The following BEAN1 variants were observed in gnomAD, a reference collection of about 807,000 sequenced individuals.
The protein encoded by BEAN1 is protein BEAN1.
BEAN1 carries 17 observed loss-of-function variants against 17.7 expected under a neutral mutation model. That is an observed-to-expected ratio of 0.96 (90% confidence interval 0.66 to 1.44). The LOEUF (loss-of-function observed/expected upper bound fraction) is 1.44, where lower values mean the gene tolerates loss of function less well. BEAN1 is among the 40% of genes most tolerant of loss of function. The pLI is 0.00. For missense variants in BEAN1, 359 were observed against 374.1 expected (o/e 0.96, Z 0.33); for synonymous variants, 142 against 151.8 (o/e 0.94, Z 0.47).
At chr16:66,484,317 C>T (rs1027986571), downstream of BEAN1, 45 of 335,870 alleles carry the variant, frequency 1.3e-4, no homozygotes, top group African/African-American at 9.4e-4. This position sits in a 1 kb window ranked among gnomAD's most constrained non-coding sequence, Gnocchi z 4.2. Context: ...CTGCCCCCAA[C>T]CGAAACCACC....
At chr16:66,461,328 G>A (rs1963075044) in intron 2 of BEAN1, among the ~76,000 whole-genome samples, 1 of 152,184 alleles carries the variant, frequency 6.6e-6, no homozygotes. Context: ...GCCGGTTGTG[G>A]TGACTGGGAG....
chr16:66,454,026 C>T lies in BEAN1; in HGVS notation c.26-15576C>T, dbSNP rs545219409. Among the ~76,000 whole-genome samples the T allele has an allele frequency of 4.6e-5, 7 of 152,318 alleles. No individual in the cohort carries two copies. The South Asian group carries it at 8.3e-4, about 18-fold the overall frequency. On this transcript the variant is annotated intron_variant, in intron 2 of 4. Coordinates refer to ENST00000536005, the MANE Select transcript of BEAN1 (RefSeq NM_001178020.3). ...TGGGATTCCAGGCGTGAGCCCACCA[C>T]GCCCGGCCTAATTTCTAAGTAGTTG... is the stretch of plus-strand genomic sequence containing the variant.
chr16:66,484,545 C>T (rs887215872), downstream of BEAN1: 4 of 453,236 alleles, frequency 8.8e-6, no homozygotes, highest in African/African-American at 8.0e-5. This position sits in a 1 kb window ranked among gnomAD's most constrained non-coding sequence, Gnocchi z 4.2. Flanking sequence ...CTGGGCTCAT[C>T]AGAGGCCCAA....
downstream of BEAN1, chr16:66,493,620 C>T (rs898541046): frequency 7.5e-6 from 4 of 530,330 alleles, no homozygotes; most frequent in Non-Finnish European, 9.9e-6. Flanking sequence ...GAGGTGGTCA[C>T]CGCCTCAGGG....
chr16:66,482,845 A>C (rs1271276596), downstream of BEAN1: 1 of 455,778 alleles, frequency 2.2e-6, no homozygotes, highest in Admixed American at 2.4e-5. Context: ...AGAGTGCATA[A>C]GGTTCCTTTT....
chr16:66,482,325 A>C lies in BEAN1; in HGVS notation c.*1400A>C, dbSNP rs1356203099. 1 of 153,798 alleles carries C rather than the reference A, an allele frequency of 6.5e-6. No individual in the cohort carries two copies. Among genetic ancestry groups the C allele is most frequent in the African/African-American group, 2.4e-5 (1 of 41,458 alleles). The allele number at this position is 153,798 out of a possible 1,614,324, so 9.5% of individuals were successfully genotyped here. On this transcript the variant is annotated 3_prime_UTR_variant, in exon 5 of 5. Transcript: ENST00000536005. ...TGCTTCCCCACATTTCTGTTCCTCC[A>C]ATGAAGGGCTAAGACTATTTAGTAA...
intron 2 of BEAN1, among the ~76,000 whole-genome samples, chr16:66,438,722 G>A (rs1425496234): frequency 6.6e-6 from 1 of 152,038 alleles, no homozygotes; most frequent in Non-Finnish European, 1.5e-5. Flanking sequence ...CCACCCGCTT[G>A]ACTCATGCCA....
intron 2 of BEAN1, among the ~76,000 whole-genome samples, chr16:66,458,373 A>T (rs1597011943): frequency 6.6e-6 from 1 of 151,996 alleles, no homozygotes; most frequent in Admixed American, 6.5e-5. Context: ...GCCCTGACCT[A>T]AGCCACCTGA....
chr16:66,470,029 A>C, intron 3 of BEAN1, 164 bp downstream of exon 3: 1 of 978,138 alleles, frequency 1.0e-6, no homozygotes, highest in Non-Finnish European at 1.5e-6. Context: ...GCCCACCATA[A>C]TGTTCTCGGT....
intron 2 of BEAN1, among the ~76,000 whole-genome samples, chr16:66,441,952 G>T (rs1318449321): frequency 6.6e-6 from 1 of 152,160 alleles, no homozygotes; most frequent in Non-Finnish European, 1.5e-5. Flanking sequence ...TGGAGATAGT[G>T]CCAGCAGCTC....
Position 66,433,366 on chromosome 16 carries a change from C to T in BEAN1, c.-82-4229C>T, listed in dbSNP as rs368141625. 3.3e-3 allele frequency among the ~76,000 whole-genome samples: 498 copies of T among 152,274 alleles called. 5 individuals are homozygous for T. The highest frequency in any genetic ancestry group is 0.023 in the South Asian group (109 of 4,824). On this transcript the variant is annotated intron_variant, in intron 1 of 4. Coordinates refer to ENST00000536005, the MANE Select transcript of BEAN1 (RefSeq NM_001178020.3). The stretch of plus-strand genomic sequence containing the variant: ...ACTCCAAGTAATCCGCCCTCTTTGG[C>T]CTCTCAAAGTGCTGGGATTACAGGC...
At position 66,479,415 on chromosome 16, in the gene BEAN1, T is replaced by C. The variant is rs565509198; in HGVS notation, c.441-1171T>C. Among the ~76,000 whole-genome samples the C allele has an allele frequency of 9.4e-4, 143 of 152,082 alleles. 1 individual carries two copies. The highest frequency in any genetic ancestry group is 3.2e-3 in the African/African-American group (131 of 41,486). ...GGGATGCCCCAGCTGCAGGCCTCCA[T>C]TGTGGTCAGGCACCCCCAAGGCTGG... On this transcript the variant is annotated intron_variant, in intron 4 of 4. Transcript: ENST00000536005.
chr16:66,491,532 C>T (rs925834310), intron 4 of BEAN1, among the ~76,000 whole-genome samples: 1 of 152,154 alleles, frequency 6.6e-6, no homozygotes, highest in Non-Finnish European at 1.5e-5. Context: ...GCAACTTATC[C>T]ATGGTCAACA....
chr16:66,484,821 G>C, downstream of BEAN1: 2 of 454,144 alleles, frequency 4.4e-6, no homozygotes, highest in South Asian at 1.6e-5. This position sits in a 1 kb window ranked among gnomAD's most constrained non-coding sequence, Gnocchi z 4.2. Context: ...CCTCAGGTGG[G>C]AGAGACGGGT....
intron 1 of BEAN1, among the ~76,000 whole-genome samples, chr16:66,436,262 T>C (rs1480092041): frequency 7.1e-6 from 1 of 141,814 alleles, no homozygotes; most frequent in Non-Finnish European, 1.6e-5. Context: ...ACTTTTTTTC[T>C]TTTCTTTTTT....
intron 3 of BEAN1, among the ~76,000 whole-genome samples, chr16:66,474,830 G>A (rs1963670990): frequency 6.6e-6 from 1 of 152,200 alleles, no homozygotes; most frequent in Non-Finnish European, 1.5e-5. Flanking sequence ...AGCTTTAAGA[G>A]AGATCTGGTG....
intron 2 of BEAN1, among the ~76,000 whole-genome samples, chr16:66,464,874 G>A (rs181839891): frequency 1.4e-4 from 21 of 152,158 alleles, no homozygotes; most frequent in African/African-American, 4.3e-4. Context: ...TTTACAATGT[G>A]GATGCCTTTT....
At chr16:66,433,686 G>C (rs1302327986) in intron 1 of BEAN1, among the ~76,000 whole-genome samples, 2 of 152,212 alleles carry the variant, frequency 1.3e-5, no homozygotes, top group Non-Finnish European at 2.9e-5. Context: ...CTGTGAATTG[G>C]GGATTTGTTT....
chr16:66,485,103 G>T (rs1414996138), downstream of BEAN1: 3 of 454,158 alleles, frequency 6.6e-6, no homozygotes, highest in Admixed American at 7.0e-5. Context: ...AGGGCGGAAG[G>T]AGGGTTGATA....
Sources: allele counts gnomAD v4.1 joint callset (sites outside exome capture counted in the v4.1 genomes callset), GRCh38; gene constraint gnomAD v4.1.1; non-coding constraint Gnocchi (gnomAD v3.1); transcripts MANE v1.5; gene names NCBI Gene and HGNC (gene_info 2026-07-23, HGNC 2026-07-21).